The following SHC4 variants were observed in gnomAD, a reference collection of about 807,000 sequenced individuals.
SHC4 encodes SHC-transforming protein 4.
Under a neutral mutation model 69.4 loss-of-function variants are expected in SHC4, and 41 were observed. The ratio of observed to expected loss-of-function variants is 0.59; its 90% CI spans 0.46 to 0.77. The LOEUF (loss-of-function observed/expected upper bound fraction) is 0.77, where lower values mean the gene tolerates loss of function less well. Among genes scored for constraint, SHC4 ranks in the 30% least tolerant of loss-of-function variants. The pLI is 0.00. For synonymous variants in SHC4, 318 were observed against 299.3 expected (o/e 1.06, Z -0.64); for missense variants, 777 against 783.8 (o/e 0.99, Z 0.10).
At chr15:48,833,253 G>A (rs1326167640) in intron 11 of SHC4, among the ~76,000 whole-genome samples, 1 of 152,100 alleles carries the variant, frequency 6.6e-6, no homozygotes, top group African/African-American at 2.4e-5. Flanking sequence ...TGACTTTTCT[G>A]GGCCTGTGTG....
chr15:48,943,267 C>T (rs1362179981), intron 1 of SHC4, among the ~76,000 whole-genome samples: 1 of 152,170 alleles, frequency 6.6e-6, no homozygotes. Flanking sequence ...TTCTCCCGCT[C>T]CCTGGCCCTT....
intron 2 of SHC4, among the ~76,000 whole-genome samples, chr15:48,919,039 C>A (rs1214344901): frequency 6.6e-6 from 1 of 151,994 alleles, no homozygotes; most frequent in African/African-American, 2.4e-5. Context: ...GATTTTGAAG[C>A]AAGGGACTGA....
intron 2 of SHC4, among the ~76,000 whole-genome samples, chr15:48,923,042 G>A (rs574174306): frequency 2.0e-5 from 3 of 152,284 alleles, no homozygotes; most frequent in Non-Finnish European, 4.4e-5. Flanking sequence ...AGTGACTGAC[G>A]TAGGTACCAA....
At chr15:48,921,730 G>A (rs745432097) in intron 2 of SHC4, among the ~76,000 whole-genome samples, 3 of 152,140 alleles carry the variant, frequency 2.0e-5, no homozygotes, top group Non-Finnish European at 2.9e-5. Context: ...CGATAGTTGC[G>A]CAACAATGTG....
At chr15:48,832,160 T>C (rs891798388) in intron 11 of SHC4, among the ~76,000 whole-genome samples, 1 of 152,064 alleles carries the variant, frequency 6.6e-6, no homozygotes, top group Non-Finnish European at 1.5e-5. Context: ...TAATCCTAGC[T>C]ACTTGGGAGG....
chr15:48,860,166 T>TA (rs1899413486), intron 6 of SHC4, among the ~76,000 whole-genome samples: 1 of 151,908 alleles, frequency 6.6e-6, no homozygotes, highest in Admixed American at 6.6e-5. Context: ...ACTTTTTTTT[T>TA]AAAGAAAAGG....
Position 48,824,669 on chromosome 15 carries a change from C to T in SHC4, c.*1302G>A, listed in dbSNP as rs753390672. On this transcript the variant is annotated 3_prime_UTR_variant, in exon 12 of 12. Coordinates refer to ENST00000332408, the MANE Select transcript of SHC4 (RefSeq NM_203349.4). The stretch of plus-strand genomic sequence containing the variant: ...AACTATACAGACTGGTTATCAATAA[C>T]GACCTCTAACAAATGAAAAACTTGC... 6.6e-5 allele frequency: 10 copies of T among 152,146 alleles called. No homozygotes were observed. The highest frequency in any genetic ancestry group is 1.7e-4 in the African/African-American group (7 of 41,440). 9.4% of individuals were successfully genotyped at this position (152,146 alleles called of 1,614,324 possible).
At chr15:48,889,646 C>T (rs1435523482) in intron 3 of SHC4, among the ~76,000 whole-genome samples, 6 of 152,176 alleles carry the variant, frequency 3.9e-5, no homozygotes, top group Non-Finnish European at 8.8e-5. Flanking sequence ...AGATCAAGAC[C>T]ATCCTGGCTA....
intron 6 of SHC4, among the ~76,000 whole-genome samples, chr15:48,866,664 C>T (rs995504769): frequency 6.6e-6 from 1 of 152,200 alleles, no homozygotes; most frequent in Non-Finnish European, 1.5e-5. Flanking sequence ...ATGCCTTTTA[C>T]GCTTTTACAT....
chr15:48,826,461 C>G (rs926212153), intron 11 of SHC4, among the ~76,000 whole-genome samples: 1 of 151,962 alleles, frequency 6.6e-6, no homozygotes, highest in Non-Finnish European at 1.5e-5. Flanking sequence ...GTTGCCCAGG[C>G]TAGTCTCAAA....
At chr15:48,953,824 A>G (rs1901402632) in intron 1 of SHC4, among the ~76,000 whole-genome samples, 1 of 152,234 alleles carries the variant, frequency 6.6e-6, no homozygotes, top group Non-Finnish European at 1.5e-5. Flanking sequence ...AGTAGCTCAT[A>G]GCAACATATG....
chr15:48,840,511 G>A (rs1202221390), intron 10 of SHC4, among the ~76,000 whole-genome samples: 5 of 152,082 alleles, frequency 3.3e-5, no homozygotes, highest in Admixed American at 6.6e-5. Context: ...TCTGGCTAAG[G>A]GAGGCTAAGT....
chr15:48,958,953 G>A (rs568840772), intron 1 of SHC4, among the ~76,000 whole-genome samples: 114 of 152,320 alleles, frequency 7.5e-4, no homozygotes, highest in Admixed American at 2.0e-3. Flanking sequence ...GAGACCTTCA[G>A]GTGGTCCAAA....
intron 1 of SHC4, among the ~76,000 whole-genome samples, chr15:48,944,185 G>T (rs1028879950): frequency 6.6e-5 from 10 of 152,146 alleles, no homozygotes; most frequent in African/African-American, 2.4e-4. Context: ...ACACCATGTG[G>T]TGTCCACCTC....
intron 2 of SHC4, among the ~76,000 whole-genome samples, chr15:48,904,984 A>C (rs1314464746): frequency 6.6e-6 from 1 of 151,616 alleles, no homozygotes; most frequent in Non-Finnish European, 1.5e-5. Flanking sequence ...GATGGCACCC[A>C]TAAGCCAAAC....
chr15:48,851,757 A>G (rs531977330), intron 8 of SHC4, among the ~76,000 whole-genome samples: 2 of 152,246 alleles, frequency 1.3e-5, no homozygotes, highest in East Asian at 3.9e-4. Context: ...TGGGGGAGGG[A>G]TCCACTTGAT....
At chr15:48,826,244 G>T (rs879084768) in intron 11 of SHC4, 118 bp from the exon 12 acceptor site, 86 of 840,896 alleles carry the variant, frequency 1.0e-4, no homozygotes, top group Middle Eastern at 3.8e-4. Flanking sequence ...GCTGAAAAAA[G>T]AAAAGGTACT....
chr15:48,928,961 T>C (rs1472002985), intron 1 of SHC4, among the ~76,000 whole-genome samples: 1 of 152,168 alleles, frequency 6.6e-6, no homozygotes, highest in African/African-American at 2.4e-5. Context: ...AGGTGTGTCA[T>C]TTGAACAGAA....
intron 1 of SHC4, among the ~76,000 whole-genome samples, chr15:48,936,365 C>T (rs1366630213): frequency 1.3e-5 from 2 of 152,142 alleles, no homozygotes; most frequent in Non-Finnish European, 2.9e-5. Flanking sequence ...AGGCAGATCT[C>T]CTTTCTCCAG....
Sources: allele counts gnomAD v4.1 joint callset (sites outside exome capture counted in the v4.1 genomes callset), GRCh38; gene constraint gnomAD v4.1.1; transcripts MANE v1.5; gene names NCBI Gene and HGNC (gene_info 2026-07-23, HGNC 2026-07-21).